Variants in ZFHX4 observed in about 807,000 individuals in gnomAD.
ZFHX4 encodes the protein zinc finger homeobox protein 4.
Under a neutral mutation model 267.6 loss-of-function variants are expected in ZFHX4, and 56 were observed. The observed-to-expected ratio is 0.21, with a 90% CI of 0.17 to 0.26. ZFHX4 has a LOEUF of 0.26. Ranked by LOEUF, ZFHX4 falls within the 10% of genes least tolerant of loss-of-function variation. The pLI, the probability that ZFHX4 is intolerant of heterozygous loss-of-function variation, is 1.00. For missense variants in ZFHX4, 4,332 were observed against 4,420.0 expected (o/e 0.98, Z 0.56); for synonymous variants, 1,778 against 1,665.6 (o/e 1.07, Z -1.64).
At chr8:76,702,410 G>A (rs1359381783) in intron 1 of ZFHX4, among the ~76,000 whole-genome samples, 2 of 152,168 alleles carry the variant, frequency 1.3e-5, no homozygotes, top group Non-Finnish European at 2.9e-5. Context: ...TTACAGTAAA[G>A]AGAGTATTAA....
At chr8:76,844,111 A>G (rs1812306414) in intron 6 of ZFHX4, among the ~76,000 whole-genome samples, 1 of 152,202 alleles carries the variant, frequency 6.6e-6, no homozygotes, top group African/African-American at 2.4e-5. Flanking sequence ...AGGAGGAATT[A>G]GAAGTACCTA....
At chr8:76,819,483 T>A (rs575961217) in intron 4 of ZFHX4, among the ~76,000 whole-genome samples, 1 of 152,270 alleles carries the variant, frequency 6.6e-6, no homozygotes, top group African/African-American at 2.4e-5. Flanking sequence ...TAAATATAAA[T>A]AAACCCAGAA....
intron 4 of ZFHX4, among the ~76,000 whole-genome samples, chr8:76,787,480 G>T (rs140288222): frequency 2.6e-5 from 4 of 151,868 alleles, no homozygotes; most frequent in Non-Finnish European, 5.9e-5. Flanking sequence ...GAGATGCATG[G>T]TACTTGTTAG....
intron 5 of ZFHX4, chr8:76,833,646 C>A: frequency 2.4e-6 from 1 of 419,096 alleles, no homozygotes; most frequent in South Asian, 2.3e-5. Context: ...TACCCTCTCC[C>A]CTGACACATG....
At chr8:76,754,622 C>T (rs577235093) in intron 3 of ZFHX4, among the ~76,000 whole-genome samples, 116 of 152,080 alleles carry the variant, frequency 7.6e-4, no homozygotes, top group Non-Finnish European at 1.5e-3. Flanking sequence ...TTTTGATACA[C>T]GTATATGATG....
chr8:76,727,011 C>T (rs16939342), intron 3 of ZFHX4, among the ~76,000 whole-genome samples: 4,406 of 152,188 alleles, frequency 0.029, 215 homozygotes, highest in African/African-American at 0.096. Flanking sequence ...CAGGGAGTGC[C>T]TACTGCATAA....
At chr8:76,858,617 T>G (rs1266590637) in intron 10 of ZFHX4, among the ~76,000 whole-genome samples, 2 of 152,244 alleles carry the variant, frequency 1.3e-5, no homozygotes, top group African/African-American at 4.8e-5. Context: ...TAGGTTAATT[T>G]ACTTATGGTG....
chr8:76,850,321 C>A lies in ZFHX4; in HGVS notation c.3923C>A (p.Thr1308Lys). Residue 1308 changes from threonine to lysine, a missense_variant, in exon 9 of 11, where the codon ACA becomes AAA. Physicochemically the swap from Thr to Lys is moderately conservative, Grantham distance 78. Coordinates refer to ENST00000651372, the MANE Select transcript of ZFHX4 (RefSeq NM_024721.5). ...AAASEKSERDTPAAVTAEGSG... is the reference protein window; with the variant it reads ...AAASEKSERDKPAAVTAEGSG... ...GCCTCTGAGAAATCAGAGCGGGACA[C>A]ACCTGCAGCCGTGACAGCTGAGGGG... is the stretch of plus-strand genomic sequence containing the variant. 1 of 1,613,016 alleles carries A rather than the reference C, an allele frequency of 6.2e-7. No homozygotes were observed. Among genetic ancestry groups the A allele is most frequent in the Non-Finnish European group, 8.5e-7 (1 of 1,179,610 alleles).
At chr8:76,716,615 A>C (rs1362315665) in intron 3 of ZFHX4, among the ~76,000 whole-genome samples, 1 of 152,132 alleles carries the variant, frequency 6.6e-6, no homozygotes, top group East Asian at 1.9e-4. Flanking sequence ...GTTATGGGAA[A>C]GTAGCCCATT....
In ZFHX4 at chr8:76,705,754, G is replaced by A. The variant is rs1297259043; in HGVS notation, c.1666G>A (p.Gly556Ser). Reference sequence around the variant, plus strand: ...TGTTGCTAGTAACTATGGCATCAGTGGCAAGGACTTTGCAGACGCAAGTGC... The same window carrying A: ...TGTTGCTAGTAACTATGGCATCAGTAGCAAGGACTTTGCAGACGCAAGTGC... ...GSVASNYGIS[G>S]KDFADASASK... is the part of the protein sequence containing the mutation. The change falls in exon 2 of 11, where the codon GGC becomes AGC. Residue 556 changes from glycine to serine, a missense_variant. By Grantham distance (56) the Gly-to-Ser change is moderately conservative. Transcript: ENST00000651372. 1.2e-6 allele frequency: 2 copies of A among 1,613,994 alleles called. No homozygotes were observed. The highest frequency in any genetic ancestry group is 1.7e-5 in the Admixed American group (1 of 60,024).
At chr8:76,812,863 T>C (rs1170899132) in intron 4 of ZFHX4, among the ~76,000 whole-genome samples, 1 of 152,162 alleles carries the variant, frequency 6.6e-6, no homozygotes, top group Non-Finnish European at 1.5e-5. Flanking sequence ...TTTAAAAAAA[T>C]GTATTTGATG....
rs1427733191 is a variant in ZFHX4 at position 76,778,214 on chromosome 8, C to G, written c.3100C>G (p.Gln1034Glu). ...EAALKLYKHL[Q>E]KQEGAVNPES... The stretch of plus-strand genomic sequence containing the variant: ...AGCCTTCCCTTCCTTTCAGCACTTG[C>G]AGAAGCAAGAGGGTGCAGTGAATCC... Residue 1034 changes from glutamine to glutamate, a missense_variant, in exon 4 of 11, where the codon CAG becomes GAG. Transcript: ENST00000651372. 4 of 1,610,062 alleles carry G rather than the reference C, an allele frequency of 2.5e-6. No homozygotes were observed. The highest frequency in any genetic ancestry group is 1.7e-5 in the Admixed American group (1 of 59,982).
intron 6 of ZFHX4, among the ~76,000 whole-genome samples, chr8:76,848,618 G>T (rs1237041492): frequency 6.6e-6 from 1 of 152,142 alleles, no homozygotes; most frequent in Non-Finnish European, 1.5e-5. Context: ...TTTTAGAAAA[G>T]AGATAGGTAA....
At chr8:76,857,668 G>T (rs1216264250) in intron 10 of ZFHX4, among the ~76,000 whole-genome samples, 2 of 151,952 alleles carry the variant, frequency 1.3e-5, no homozygotes, top group African/African-American at 4.8e-5. Context: ...GAAAATGTCT[G>T]CCATGTCCCT....
At position 76,854,014 on chromosome 8, in the gene ZFHX4, A is replaced by T. The variant is rs1311946706; in HGVS notation, c.7093A>T (p.Thr2365Ser). Residue 2365 changes from threonine to serine, a missense_variant, in exon 10 of 11, where the codon ACA (threonine) becomes TCA (serine). Thr to Ser is a moderately conservative substitution (Grantham distance 58). Coordinates refer to ENST00000651372, the MANE Select transcript of ZFHX4 (RefSeq NM_024721.5). ...ATDQVVYKHC[T>S]VSGQTDAAKN... ...TGATCAAGTGGTATACAAGCATTGCACAGTGTCTGGCCAAACGGATGCAGC... is the reference window on the plus strand; with the variant it reads ...TGATCAAGTGGTATACAAGCATTGCTCAGTGTCTGGCCAAACGGATGCAGC... The T allele has an allele frequency of 1.2e-5, 19 of 1,613,832 alleles. No individual in the cohort carries two copies. The highest frequency in any genetic ancestry group is 1.5e-5 in the Non-Finnish European group (18 of 1,179,864).
chr8:76,756,947 C>T (rs1416506070), intron 3 of ZFHX4, among the ~76,000 whole-genome samples: 2 of 152,084 alleles, frequency 1.3e-5, no homozygotes, highest in African/African-American at 4.8e-5. Context: ...TTTTCCTCTG[C>T]ATTTACTTAA....
At chr8:76,818,726 G>A (rs1260249481) in intron 4 of ZFHX4, among the ~76,000 whole-genome samples, 3 of 152,010 alleles carry the variant, frequency 2.0e-5, no homozygotes, top group South Asian at 2.1e-4. Context: ...AAGCAAGCCT[G>A]GGCAACACAG....
chr8:76,848,015 T>G (rs1048719900), intron 6 of ZFHX4, among the ~76,000 whole-genome samples: 2 of 152,180 alleles, frequency 1.3e-5, no homozygotes, highest in African/African-American at 2.4e-5. Context: ...ACCCTGGAAA[T>G]AATTTAGTTG....
At chr8:76,763,076 C>G (rs7821604) in intron 3 of ZFHX4, among the ~76,000 whole-genome samples, 46,292 of 152,036 alleles carry the variant, frequency 0.3, 10,219 homozygotes, top group African/African-American at 0.62. Flanking sequence ...TATCCCCTCA[C>G]GGCATCCAGA....
Sources: gnomAD v4.1 joint callset for allele counts (sites outside exome capture counted in the v4.1 genomes callset) on GRCh38, gnomAD v4.1.1 for gene constraint, MANE v1.5 for transcripts, NCBI Gene and HGNC (gene_info 2026-07-23, HGNC 2026-07-21) for gene names.